Variants in TUBB8B observed in about 807,000 individuals in gnomAD.
The protein encoded by TUBB8B is tubulin beta 8B.
In TUBB8B, 26 loss-of-function variants were observed where a neutral mutation model predicts 31.9. The ratio of observed to expected loss-of-function variants is 0.81; its 90% CI spans 0.60 to 1.13. TUBB8B has a LOEUF of 1.13. Ranked by LOEUF, TUBB8B falls within the 50% of genes most tolerant of loss-of-function variation. TUBB8B has a pLI of 0.00. For missense variants in TUBB8B, 467 were observed against 586.7 expected (o/e 0.80, Z 2.11); for synonymous variants, 173 against 231.0 (o/e 0.75, Z 2.28).
At chr18:73,403 A>C in the TUBB8B span, 1 of 164,822 alleles carries the variant, frequency 6.1e-6, no homozygotes. Flanking sequence ...CAGGTGTCCC[A>C]AGCCCCGGCC....
At chr18:67,125 A>G in the TUBB8B span, among the ~76,000 whole-genome samples, 1 of 151,418 alleles carries the variant, frequency 6.6e-6, no homozygotes, top group Admixed American at 6.6e-5. Context: ...CCTCCCAAGT[A>G]GCTAGGATTA....
upstream of TUBB8B, among the ~76,000 whole-genome samples, chr18:53,119 T>G (rs1600581275): frequency 6.6e-6 from 1 of 151,856 alleles, no homozygotes; most frequent in East Asian, 1.9e-4. Context: ...TGTGGCTATT[T>G]TCAGACTATA....
At chr18:57,751 G>T in the TUBB8B span, among the ~76,000 whole-genome samples, 1 of 151,880 alleles carries the variant, frequency 6.6e-6, no homozygotes, top group African/African-American at 2.4e-5. Flanking sequence ...TTTAGTAGAG[G>T]TTCTCCATGA....
the TUBB8B span, among the ~76,000 whole-genome samples, chr18:58,363 A>G: frequency 6.6e-6 from 1 of 151,744 alleles, no homozygotes; most frequent in South Asian, 2.1e-4. Flanking sequence ...GGTTGTTAGA[A>G]GCAGCCAGGC....
chr18:59,539 C>T, the TUBB8B span, among the ~76,000 whole-genome samples: 1 of 139,174 alleles, frequency 7.2e-6, no homozygotes. Context: ...GGATTTTGTC[C>T]TTCATTCTTT....
upstream of TUBB8B, among the ~76,000 whole-genome samples, chr18:52,316 A>C (rs756449698): frequency 6.8e-4 from 103 of 151,608 alleles, 2 homozygotes; most frequent in Admixed American, 5.6e-3. Flanking sequence ...AAAGGCAACA[A>C]TATGCAGAGC....
chr18:72,506 A>T, the TUBB8B span, among the ~76,000 whole-genome samples: 1 of 152,182 alleles, frequency 6.6e-6, no homozygotes, highest in Non-Finnish European at 1.5e-5. Context: ...CTTCCATTAG[A>T]CGCACACAAT....
At chr18:55,611 C>A in the TUBB8B span, among the ~76,000 whole-genome samples, 2 of 151,490 alleles carry the variant, frequency 1.3e-5, no homozygotes, top group Non-Finnish European at 3.0e-5. Context: ...GAAGAACAGC[C>A]TGGGGGAAAC....
At chr18:63,877 C>T in the TUBB8B span, among the ~76,000 whole-genome samples, 3 of 149,336 alleles carry the variant, frequency 2.0e-5, no homozygotes, top group South Asian at 6.5e-4. Flanking sequence ...GACCCCAACC[C>T]TAGCCCTAAC....
At chr18:72,842 C>T in the TUBB8B span, among the ~76,000 whole-genome samples, 13 of 152,082 alleles carry the variant, frequency 8.5e-5, no homozygotes, top group African/African-American at 3.1e-4. Flanking sequence ...TGGTGCATGC[C>T]TGTAATCCCA....
the TUBB8B span, among the ~76,000 whole-genome samples, chr18:54,666 T>A: frequency 6.6e-6 from 1 of 151,942 alleles, no homozygotes; most frequent in South Asian, 2.1e-4. Context: ...TCACTTAACA[T>A]AAAGACTTTC....
chr18:63,271 T>A, the TUBB8B span, among the ~76,000 whole-genome samples: 16 of 151,934 alleles, frequency 1.1e-4, no homozygotes, highest in African/African-American at 3.9e-4. Flanking sequence ...TGCCCATTAT[T>A]TTTGGGAACA....
the TUBB8B span, among the ~76,000 whole-genome samples, chr18:62,497 G>C: frequency 2.1e-4 from 31 of 150,592 alleles, no homozygotes; most frequent in South Asian, 6.5e-3. Flanking sequence ...CGGCTCACTG[G>C]AAGCTCCGCC....
chr18:47,592 AAG>A lies in TUBB8B; in HGVS notation c.1131_1132del (p.Phe378HisfsTer27). 6.2e-7 allele frequency: 1 copy of A among 1,612,508 alleles called. No individual in the cohort carries two copies. The highest frequency in any genetic ancestry group is 8.5e-7 in the Non-Finnish European group (1 of 1,179,170). ...TGTAAACTGCTCTGAGACACATGTG[AAG>A]AGTTCCTGGATGGCCGCATTATTCC... is the stretch of plus-strand genomic sequence containing the variant. On this transcript the variant is annotated frameshift_variant, in exon 4 of 4. Transcript: ENST00000308911. LOFTEE classifies it high-confidence loss of function.
At chr18:56,185 T>G in the TUBB8B span, among the ~76,000 whole-genome samples, 11 of 151,956 alleles carry the variant, frequency 7.2e-5, no homozygotes, top group South Asian at 1.2e-3. Flanking sequence ...TCCATTTGTC[T>G]TTATGTCTTT....
upstream of TUBB8B, among the ~76,000 whole-genome samples, chr18:53,601 TG>T (rs551139469): frequency 6.7e-4 from 102 of 151,932 alleles, 1 homozygote; most frequent in Middle Eastern, 0.01. Flanking sequence ...CCCAAGTAGC[TG>T]GGATTACAGG....
the TUBB8B span, among the ~76,000 whole-genome samples, chr18:63,713 C>CCCCT: frequency 9.2e-5 from 9 of 97,346 alleles, no homozygotes; most frequent in African/African-American, 3.8e-4. Context: ...CTAACCCTAA[C>CCCCT]ACTAACCCTA....
chr18:53,975 G>A (rs1266360372), upstream of TUBB8B, among the ~76,000 whole-genome samples: 84 of 145,312 alleles, frequency 5.8e-4, no homozygotes, highest in Middle Eastern at 3.5e-3. Flanking sequence ...GAAATGTGGT[G>A]TTATTCAGTG....
chr18:60,146 T>C, the TUBB8B span, among the ~76,000 whole-genome samples: 1 of 151,816 alleles, frequency 6.6e-6, no homozygotes, highest in Non-Finnish European at 1.5e-5. Context: ...TTTTTTATTA[T>C]GGCTTTAATT....
Sources: allele counts gnomAD v4.1 joint callset (sites outside exome capture counted in the v4.1 genomes callset), GRCh38; gene constraint gnomAD v4.1.1; transcripts MANE v1.5; gene names NCBI Gene and HGNC (gene_info 2026-07-23, HGNC 2026-07-21).